Variants in IQUB observed in about 807,000 individuals in gnomAD.
IQUB encodes IQ motif and ubiquitin-like domain-containing protein.
In IQUB, 86 loss-of-function variants were observed where a neutral mutation model predicts 86.4. The ratio of observed to expected loss-of-function variants is 1.00; its 90% CI spans 0.84 to 1.19. The LOEUF is 1.19. Among genes scored for constraint, IQUB ranks in the 50% most tolerant of loss-of-function variants. The pLI is 0.00. For synonymous variants in IQUB, 289 were observed against 304.5 expected (o/e 0.95, Z 0.53); for missense variants, 946 against 916.9 (o/e 1.03, Z -0.41).
chr7:123,469,455 CT>C (rs1447234645), intron 8 of IQUB, 71 bp from the exon 9 acceptor site: 1 of 804,396 alleles, frequency 1.2e-6, no homozygotes, highest in African/African-American at 1.8e-5. Flanking sequence ...GCTCCTTCTA[CT>C]AAAAGTCTAC....
At chr7:123,490,091 A>G (rs1414321285) in intron 7 of IQUB, among the ~76,000 whole-genome samples, 2 of 151,984 alleles carry the variant, frequency 1.3e-5, no homozygotes, top group African/African-American at 2.4e-5. Context: ...TCCAAATTAA[A>G]AGGAAGAGAT....
At chr7:123,513,073 C>A (rs1360503300) in intron 1 of IQUB, among the ~76,000 whole-genome samples, 1 of 152,122 alleles carries the variant, frequency 6.6e-6, no homozygotes, top group Non-Finnish European at 1.5e-5. Context: ...AGGTAGCCCC[C>A]AGACCAGATT....
At chr7:123,494,672 C>T (rs1365557700) in intron 7 of IQUB, among the ~76,000 whole-genome samples, 1 of 151,980 alleles carries the variant, frequency 6.6e-6, no homozygotes, top group African/African-American at 2.4e-5. Context: ...AATCATTTGC[C>T]ATAGAACAAT....
chr7:123,479,750 T>A (rs991676614), intron 8 of IQUB, 45 bp downstream of exon 8: 35 of 1,384,234 alleles, frequency 2.5e-5, no homozygotes, highest in Non-Finnish European at 3.4e-5. Context: ...CTACATTTTT[T>A]AACTCAGAAT....
chr7:123,486,902 T>C (rs1174728371), intron 7 of IQUB, among the ~76,000 whole-genome samples: 3 of 146,108 alleles, frequency 2.1e-5, no homozygotes, highest in South Asian at 2.2e-4. Context: ...TATTAGAACA[T>C]TGGTAAATTG....
intron 12 of IQUB, among the ~76,000 whole-genome samples, chr7:123,455,710 T>C (rs1793661963): frequency 6.6e-6 from 1 of 152,152 alleles, no homozygotes; most frequent in African/African-American, 2.4e-5. Context: ...TTTTATCCTC[T>C]TTACTGATTC....
intron 9 of IQUB, among the ~76,000 whole-genome samples, chr7:123,465,518 TTCTG>T (rs983643326): frequency 3.3e-5 from 5 of 152,044 alleles, no homozygotes; most frequent in Admixed American, 1.3e-4. Flanking sequence ...TTATTCACTT[TTCTG>T]TCTATTTATT....
In IQUB at chr7:123,452,201, A is replaced by AGTGTT. The variant is rs1490515378; in HGVS notation, c.*537_*541dup. Among the ~76,000 whole-genome samples, 2 of 152,278 alleles carry AGTGTT rather than the reference A, an allele frequency of 1.3e-5. No individual in the cohort carries two copies. Among genetic ancestry groups the AGTGTT allele is most frequent in the Non-Finnish European group, 2.9e-5 (2 of 68,022 alleles). On this transcript the variant is annotated 3_prime_UTR_variant, in exon 13 of 13. Coordinates refer to ENST00000324698, the MANE Select transcript of IQUB (RefSeq NM_178827.5). ...TTTTGTTTATTTATAAATAGTTTCA[A>AGTGTT]GTGTTGTTTTATTGGGATTATGAGA...
chr7:123,464,584 T>C lies in IQUB; in HGVS notation c.1758+249A>G, dbSNP rs139203488. On this transcript the variant is annotated intron_variant, in intron 10 of 12. Transcript: ENST00000324698. ...AGAAATCATAATACATTCAACGTAATGCAATATTCAGTTGGAAAGTTGGTG... is the reference window on the plus strand; with the variant it reads ...AGAAATCATAATACATTCAACGTAACGCAATATTCAGTTGGAAAGTTGGTG... 1.3e-4 allele frequency among the ~76,000 whole-genome samples: 19 copies of C among 151,978 alleles called. No individual in the cohort carries two copies. The East Asian group carries it at 3.7e-3, about 29-fold the overall frequency.
intron 1 of IQUB, among the ~76,000 whole-genome samples, chr7:123,525,061 A>G (rs1161467007): frequency 1.3e-5 from 2 of 152,216 alleles, no homozygotes; most frequent in African/African-American, 4.8e-5. Context: ...CCACTTGATC[A>G]TGTTGGATAA....
Position 123,466,669 on chromosome 7 carries a change from G to A in IQUB, c.1582-1660C>T, listed in dbSNP as rs571833079. On this transcript the variant is annotated intron_variant, in intron 9 of 12. Transcript: ENST00000324698. ...ACACAAACTCATCCACAGAAAGAGC[G>A]TTCTTTACAGTTAGGAGTAAAGAAA... is the stretch of plus-strand genomic sequence containing the variant. 6.0e-4 allele frequency among the ~76,000 whole-genome samples: 92 copies of A among 152,176 alleles called. 1 individual carries two copies. The highest frequency in any genetic ancestry group is 7.2e-4 in the Non-Finnish European group (49 of 67,992).
chr7:123,526,713 T>G (rs1797233512), intron 1 of IQUB, among the ~76,000 whole-genome samples: 1 of 151,630 alleles, frequency 6.6e-6, no homozygotes, highest in Non-Finnish European at 1.5e-5. Flanking sequence ...AAGTTAATAT[T>G]GTTATGTGTG....
rs375776308 is a variant in IQUB, at chr7:123,512,394, C to CA, written c.-4-51dup. ...TTACTACATAGATGAAGTTTCTACA[C>CA]AAAAAATCAAATTCATTGCTAGTAT... On this transcript the variant is annotated intron_variant, in intron 1 of 12. Transcript: ENST00000324698. 1.1e-3 allele frequency: 1,242 copies of CA among 1,142,800 alleles called. 6 individuals are homozygous for CA. The highest frequency in any genetic ancestry group is 4.4e-3 in the African/African-American group (287 of 64,764). 70.8% of individuals were successfully genotyped at this position (1,142,800 alleles called of 1,614,324 possible). A position where few individuals can be genotyped will look rare whatever the true frequency, so the allele number is the denominator to read the frequency against.
At chr7:123,531,809 G>A (rs745771526) in intron 1 of IQUB, among the ~76,000 whole-genome samples, 4 of 152,180 alleles carry the variant, frequency 2.6e-5, no homozygotes, top group African/African-American at 4.8e-5. Context: ...AGCTTCAGAT[G>A]CCCAAGACTT....
At chr7:123,482,566 A>G (rs1174721476) in intron 7 of IQUB, among the ~76,000 whole-genome samples, 1 of 152,098 alleles carries the variant, frequency 6.6e-6, no homozygotes, top group Non-Finnish European at 1.5e-5. Context: ...TTAATCAAAG[A>G]AAAGTAAAAA....
At chr7:123,484,429 G>A (rs568849123) in intron 7 of IQUB, among the ~76,000 whole-genome samples, 14 of 150,766 alleles carry the variant, frequency 9.3e-5, no homozygotes, top group Non-Finnish European at 1.5e-4. Flanking sequence ...CAATTTATCC[G>A]ATACGATCAT....
chr7:123,477,267 G>T (rs967918595), intron 8 of IQUB, among the ~76,000 whole-genome samples: 3 of 152,040 alleles, frequency 2.0e-5, no homozygotes, highest in African/African-American at 7.2e-5. Context: ...CAAAACAGAG[G>T]CCTCAGAAAT....
intron 8 of IQUB, among the ~76,000 whole-genome samples, chr7:123,472,645 A>T (rs1411130517): frequency 6.6e-6 from 1 of 152,214 alleles, no homozygotes; most frequent in Non-Finnish European, 1.5e-5. Context: ...CCTAGATTTG[A>T]AGTTCAAGTT....
intron 1 of IQUB, among the ~76,000 whole-genome samples, chr7:123,519,651 AGGAG>A (rs1796812885): frequency 6.6e-6 from 1 of 152,182 alleles, no homozygotes. Flanking sequence ...TGAGAAGGGC[AGGAG>A]GGAGGAAGGA....
Sources: allele counts gnomAD v4.1 joint callset (sites outside exome capture counted in the v4.1 genomes callset), GRCh38; gene constraint gnomAD v4.1.1; transcripts MANE v1.5; gene names NCBI Gene and HGNC (gene_info 2026-07-23, HGNC 2026-07-21).